LRRIQ3: variants seen among roughly 807,000 people sequenced by gnomAD.
The protein encoded by LRRIQ3 is leucine-rich repeat and IQ domain-containing protein 3.
A neutral mutation model predicts 59.3 loss-of-function variants in LRRIQ3; 75 were observed. The observed-to-expected ratio is 1.26, with a 90% CI of 1.05 to 1.53. The LOEUF (loss-of-function observed/expected upper bound fraction) is 1.53, where lower values mean the gene tolerates loss of function less well. LRRIQ3 is among the 40% of genes most tolerant of loss of function. LRRIQ3 has a pLI of 0.00. For missense variants in LRRIQ3, 831 were observed against 710.0 expected (o/e 1.17, Z -1.94); for synonymous variants, 250 against 231.3 (o/e 1.08, Z -0.73).
intron 6 of LRRIQ3, among the ~76,000 whole-genome samples, chr1:74,072,418 A>G (rs1655052240): frequency 6.6e-6 from 1 of 152,098 alleles, no homozygotes; most frequent in South Asian, 2.1e-4. Flanking sequence ...TTATCAACTA[A>G]TTTAAGGACC....
chr1:74,077,749 A>C (rs1382639679), intron 5 of LRRIQ3, among the ~76,000 whole-genome samples: 1 of 152,014 alleles, frequency 6.6e-6, no homozygotes, highest in Non-Finnish European at 1.5e-5. Flanking sequence ...CAAAAAGTTT[A>C]AAGCTCTAAA....
chr1:74,112,290 CAG>C (rs1335834100), intron 4 of LRRIQ3, among the ~76,000 whole-genome samples: 2 of 152,048 alleles, frequency 1.3e-5, no homozygotes, highest in African/African-American at 4.8e-5. Context: ...CTTTATGAAA[CAG>C]AGTGTGGAGA....
Position 74,049,926 on chromosome 1 carries a change from T to C in LRRIQ3, c.998-7993A>G, listed in dbSNP as rs201981380. 4.7e-3 allele frequency among the ~76,000 whole-genome samples: 649 copies of C among 138,114 alleles called. 1 individual carries two copies. The highest frequency in any genetic ancestry group is 0.014 in the African/African-American group (544 of 37,998). 90.6% of individuals were successfully genotyped at this position (138,114 alleles called of 152,430 possible). ...ATGACACCTTTGTGTCTTTTTTTTC[T>C]TTTTTTTTTTTTTTTGAGACGGAGT... On this transcript the variant is annotated intron_variant, in intron 6 of 7. Coordinates refer to ENST00000354431, the MANE Select transcript of LRRIQ3 (RefSeq NM_001105659.2).
chr1:74,147,931 T>A (rs1425380537), intron 4 of LRRIQ3, among the ~76,000 whole-genome samples: 1 of 152,204 alleles, frequency 6.6e-6, no homozygotes, highest in Non-Finnish European at 1.5e-5. Flanking sequence ...GAGAATTTGG[T>A]CACTTTAAAT....
At chr1:74,145,119 G>A (rs879822953) in intron 4 of LRRIQ3, among the ~76,000 whole-genome samples, 8 of 151,992 alleles carry the variant, frequency 5.3e-5, no homozygotes, top group Non-Finnish European at 1.0e-4. Context: ...GTTATCACTA[G>A]CGTATGAATG....
intron 6 of LRRIQ3, among the ~76,000 whole-genome samples, chr1:74,047,769 G>A (rs1050015136): frequency 6.6e-6 from 1 of 151,950 alleles, no homozygotes; most frequent in Non-Finnish European, 1.5e-5. Context: ...AAAATCTGTT[G>A]TTTATAAGCT....
intron 4 of LRRIQ3, among the ~76,000 whole-genome samples, chr1:74,150,621 A>G (rs889648598): frequency 1.3e-5 from 2 of 152,186 alleles, no homozygotes; most frequent in African/African-American, 4.8e-5. Context: ...TAGCCCTAGC[A>G]TTTAGATGGT....
intron 5 of LRRIQ3, among the ~76,000 whole-genome samples, chr1:74,101,497 G>A (rs928472318): frequency 6.6e-6 from 1 of 152,190 alleles, no homozygotes; most frequent in Non-Finnish European, 1.5e-5. Context: ...GGAAGACAGT[G>A]TAGTGATTCC....
chr1:74,160,109 G>A (rs1648572982), intron 3 of LRRIQ3, among the ~76,000 whole-genome samples: 1 of 151,990 alleles, frequency 6.6e-6, no homozygotes, highest in Non-Finnish European at 1.5e-5. Context: ...GTTTCCCCAA[G>A]ATCTTGCAAG....
intron 6 of LRRIQ3, among the ~76,000 whole-genome samples, chr1:74,056,283 T>G (rs1654534401): frequency 1.3e-5 from 2 of 151,842 alleles, no homozygotes; most frequent in African/African-American, 4.8e-5. Context: ...TGGGAAAAAT[T>G]TTAAAGCTTT....
rs1650052369 is a variant in LRRIQ3, at chr1:74,182,628, A to T, written c.483T>A (p.Asp161Glu). The T allele has an allele frequency of 6.2e-7, 1 of 1,610,148 alleles. No homozygotes were observed. The highest frequency in any genetic ancestry group is 2.2e-5 in the East Asian group (1 of 44,676). Residue 161 changes from aspartate (D) to glutamate (E), a missense_variant, in exon 3 of 8, where the codon GAT (aspartate) becomes GAA (glutamate). Physicochemically the swap from Asp to Glu is conservative, Grantham distance 45. Transcript: ENST00000354431. ...GATGCCAGTTCTGAATTATTTCTTC[A>T]TCAGAAATCACATGATGATCCAGCG... Reference protein sequence around the residue: ...LKALDHHVISDEEIIQNWHLP... With the variant: ...LKALDHHVISEEEIIQNWHLP...
chr1:74,172,226 A>G (rs1321746458), intron 3 of LRRIQ3, among the ~76,000 whole-genome samples: 1 of 152,132 alleles, frequency 6.6e-6, no homozygotes, highest in Non-Finnish European at 1.5e-5. Flanking sequence ...AGATTTCACT[A>G]TAAACCTCCC....
intron 3 of LRRIQ3, among the ~76,000 whole-genome samples, chr1:74,167,157 G>C (rs1024293683): frequency 2.6e-5 from 4 of 151,852 alleles, no homozygotes; most frequent in African/African-American, 9.7e-5. Flanking sequence ...CTTGCACACA[G>C]ATGTTTAGAG....
intron 3 of LRRIQ3, among the ~76,000 whole-genome samples, chr1:74,168,150 G>T (rs1157096467): frequency 1.3e-5 from 2 of 151,944 alleles, no homozygotes; most frequent in African/African-American, 4.8e-5. Context: ...TTCATATCTA[G>T]TTGTTCTAAT....
intron 1 of LRRIQ3, among the ~76,000 whole-genome samples, chr1:74,185,666 G>A (rs570146100): frequency 1.6e-4 from 25 of 152,122 alleles, no homozygotes; most frequent in Middle Eastern, 3.4e-3. Flanking sequence ...TGAAAGGGCC[G>A]GGCGCAGTGG....
At chr1:74,109,990 A>G (rs148468905) in intron 4 of LRRIQ3, among the ~76,000 whole-genome samples, 2,811 of 151,822 alleles carry the variant, frequency 0.019, 39 homozygotes, top group South Asian at 0.033. Flanking sequence ...TAGGAAATAT[A>G]CTCTAGAGCA....
At chr1:74,040,286 T>C (rs1654003989) in intron 7 of LRRIQ3, among the ~76,000 whole-genome samples, 1 of 152,150 alleles carries the variant, frequency 6.6e-6, no homozygotes, top group Non-Finnish European at 1.5e-5. Flanking sequence ...CCTGGATCCA[T>C]AAAACAAGTT....
intron 1 of LRRIQ3, among the ~76,000 whole-genome samples, chr1:74,197,696 G>T (rs1019108549): frequency 2.0e-5 from 3 of 152,132 alleles, no homozygotes; most frequent in African/African-American, 7.2e-5. Context: ...GAGGGGTGGG[G>T]TGGCTCACTC....
chr1:74,131,677 C>G (rs371842830), intron 4 of LRRIQ3, among the ~76,000 whole-genome samples: 12 of 152,206 alleles, frequency 7.9e-5, no homozygotes, highest in Non-Finnish European at 1.2e-4. Context: ...ATTCAACAAC[C>G]CTTCATGCTA....
Sources: allele counts gnomAD v4.1 joint callset (sites outside exome capture counted in the v4.1 genomes callset), GRCh38; gene constraint gnomAD v4.1.1; transcripts MANE v1.5; gene names NCBI Gene and HGNC (gene_info 2026-07-23, HGNC 2026-07-21).